Variants in KAZN observed in about 807,000 individuals in gnomAD.
KAZN encodes the protein kazrin.
Under a neutral mutation model 87.4 loss-of-function variants are expected in KAZN, and 40 were observed. The observed-to-expected ratio is 0.46, with a 90% CI of 0.36 to 0.60. The LOEUF is 0.60. Among genes scored for constraint, KAZN ranks in the 20% least tolerant of loss-of-function variants. KAZN has a pLI of 0.00. For missense variants in KAZN, 898 were observed against 1,073.9 expected, an observed-to-expected ratio of 0.84 and a Z score of 2.29; for synonymous variants, 466 against 458.3, an observed-to-expected ratio of 1.02 and a Z score of -0.22.
At chr1:14,576,831 T>C (rs1261936389) in intron 2 of KAZN, among the ~76,000 whole-genome samples, 3 of 152,218 alleles carry the variant, frequency 2.0e-5, no homozygotes, top group Non-Finnish European at 4.4e-5. Context: ...AAATAATACT[T>C]ATTGAAACCA....
intron 2 of KAZN, among the ~76,000 whole-genome samples, chr1:14,363,702 C>T (rs1214327395): frequency 6.6e-6 from 1 of 152,156 alleles, no homozygotes; most frequent in Non-Finnish European, 1.5e-5. Flanking sequence ...ATGGCTTTAA[C>T]ATTTTTAAAG....
intron 2 of KAZN, among the ~76,000 whole-genome samples, chr1:14,409,216 A>G (rs1664105286): frequency 6.6e-6 from 1 of 152,234 alleles, no homozygotes; most frequent in African/African-American, 2.4e-5. Context: ...AAGTTATTCT[A>G]GGAACCAGAA....
At chr1:13,926,534 T>C (rs767925781) in intron 1 of KAZN, among the ~76,000 whole-genome samples, 1 of 152,098 alleles carries the variant, frequency 6.6e-6, no homozygotes, top group African/African-American at 2.4e-5. Flanking sequence ...CAAAGGCATG[T>C]ACACGTGTAG....
chr1:14,253,463 G>A lies in KAZN; in HGVS notation c.249+72871G>A, dbSNP rs140947412. ...TTTATCTGAGTTAATGGCTACTAAT[G>A]GGTTAATATATAATTGTCCATAGGA... On this transcript the variant is annotated intron_variant, in intron 2 of 16. Coordinates refer to the KAZN transcript ENST00000636203. 2.1e-3 allele frequency among the ~76,000 whole-genome samples: 322 copies of A among 152,244 alleles called. 1 individual carries two copies. Among genetic ancestry groups the A allele is most frequent in the African/African-American group, 7.4e-3 (309 of 41,536 alleles).
chr1:14,092,791 C>T (rs1424614660), intron 1 of KAZN, among the ~76,000 whole-genome samples: 7 of 152,112 alleles, frequency 4.6e-5, no homozygotes, highest in African/African-American at 1.2e-4. Flanking sequence ...TCCAACGCTA[C>T]AATTTTTTGC....
chr1:14,506,373 C>T (rs1670584197), intron 2 of KAZN, among the ~76,000 whole-genome samples: 1 of 152,188 alleles, frequency 6.6e-6, no homozygotes, highest in Non-Finnish European at 1.5e-5. Context: ...ATATGTCATA[C>T]GATGCTATTA....
intron 1 of KAZN, among the ~76,000 whole-genome samples, chr1:14,850,544 A>G (rs1649314901): frequency 6.6e-6 from 1 of 152,208 alleles, no homozygotes; most frequent in Non-Finnish European, 1.5e-5. Context: ...AAGTACAGCA[A>G]GAGTTTGAAC....
At chr1:14,168,292 TAAAG>T (rs1645875543) in intron 1 of KAZN, among the ~76,000 whole-genome samples, 1 of 152,220 alleles carries the variant, frequency 6.6e-6, no homozygotes, top group East Asian at 1.9e-4. Context: ...AACCTACAAA[TAAAG>T]AAAAGTGAAG....
At chr1:14,475,897 G>C (rs753659443) in intron 2 of KAZN, among the ~76,000 whole-genome samples, 2 of 152,070 alleles carry the variant, frequency 1.3e-5, no homozygotes, top group Non-Finnish European at 2.9e-5. Flanking sequence ...CCTTCGGAAG[G>C]TTACTTGTCA....
chr1:14,199,337 T>C (rs1049117881), intron 2 of KAZN, among the ~76,000 whole-genome samples: 3 of 152,168 alleles, frequency 2.0e-5, no homozygotes, highest in Admixed American at 6.5e-5. Flanking sequence ...TTTGAACATG[T>C]TTCTGTGAGT....
chr1:15,032,973 C>G (rs1405142528), intron 2 of KAZN, among the ~76,000 whole-genome samples: 1 of 151,768 alleles, frequency 6.6e-6, no homozygotes, highest in Non-Finnish European at 1.5e-5. Context: ...GAAAAAAAAA[C>G]TCCGGAAAAG....
At chr1:14,322,705 G>A (rs1329948437) in intron 2 of KAZN, among the ~76,000 whole-genome samples, 1 of 152,196 alleles carries the variant, frequency 6.6e-6, no homozygotes. Flanking sequence ...AGCCATGGAA[G>A]GGAGAGAGGA....
intron 2 of KAZN, among the ~76,000 whole-genome samples, chr1:14,585,445 C>T (rs905501389): frequency 2.0e-5 from 3 of 152,160 alleles, no homozygotes; most frequent in Non-Finnish European, 2.9e-5. Context: ...AGGTTTGCTC[C>T]ATATGTCTGC....
In KAZN at chr1:14,582,758, TGA is replaced by T. The variant is rs1675630568; in HGVS notation, c.250-16220_250-16219del. On this transcript the variant is annotated intron_variant, in intron 2 of 16. Transcript: ENST00000636203. ...GTTTTAATCTTAAGAATTTTCTTGATGAGAGAAATAAAACATAATTTTCATTT... is the reference window on the plus strand; with the variant it reads ...GTTTTAATCTTAAGAATTTTCTTGATGAGAAATAAAACATAATTTTCATTT... Among the ~76,000 whole-genome samples the T allele has an allele frequency of 2.6e-5, 4 of 152,362 alleles. No homozygotes were observed. In the South Asian group the frequency reaches 8.3e-4, roughly 32 times the overall value.
chr1:14,707,970 G>A (rs1428007316), intron 1 of KAZN, among the ~76,000 whole-genome samples: 3 of 151,524 alleles, frequency 2.0e-5, no homozygotes, highest in Non-Finnish European at 4.4e-5. Flanking sequence ...ACCCGGCCAA[G>A]CATTAATGAG....
At chr1:14,805,884 A>T (rs1387860218) in intron 1 of KAZN, among the ~76,000 whole-genome samples, 1 of 152,040 alleles carries the variant, frequency 6.6e-6, no homozygotes, top group Non-Finnish European at 1.5e-5. Flanking sequence ...ACTGCACTTG[A>T]AGGGGGTGTA....
intron 2 of KAZN, among the ~76,000 whole-genome samples, chr1:14,575,507 T>C (rs1463392222): frequency 1.3e-5 from 2 of 152,094 alleles, no homozygotes; most frequent in Admixed American, 1.3e-4. Context: ...TCCCACCAGA[T>C]CCCTCCCAAA....
At chr1:14,818,065 GC>G (rs1646626205) in intron 1 of KAZN, among the ~76,000 whole-genome samples, 1 of 152,204 alleles carries the variant, frequency 6.6e-6, no homozygotes, top group South Asian at 2.1e-4. Flanking sequence ...TTAACTCCTG[GC>G]ATACCTAACA....
intron 1 of KAZN, among the ~76,000 whole-genome samples, chr1:13,947,466 A>G (rs1209170157): frequency 6.6e-6 from 1 of 151,964 alleles, no homozygotes; most frequent in Non-Finnish European, 1.5e-5. Context: ...GATTATGGGG[A>G]TTACAATTTG....
Sources: gnomAD v4.1 joint callset for allele counts (sites outside exome capture counted in the v4.1 genomes callset) on GRCh38, gnomAD v4.1.1 for gene constraint, MANE v1.5 for transcripts, NCBI Gene and HGNC (gene_info 2026-07-23, HGNC 2026-07-21) for gene names.